The following LRRTM4 variants were observed in gnomAD, a reference collection of about 807,000 sequenced individuals.
The protein encoded by LRRTM4 is leucine-rich repeat transmembrane neuronal protein 4.
Under a neutral mutation model 47.6 loss-of-function variants are expected in LRRTM4, and 25 were observed. That is an observed-to-expected ratio of 0.53 (90% CI 0.38 to 0.73). The LOEUF is 0.73. Ranked by LOEUF, LRRTM4 falls within the 30% of genes least tolerant of loss-of-function variation. LRRTM4 has a pLI of 0.00. For synonymous variants in LRRTM4, 311 were observed against 269.5 expected (o/e 1.15, Z -1.51); for missense variants, 638 against 713.4 (o/e 0.89, Z 1.20).
intron 3 of LRRTM4, among the ~76,000 whole-genome samples, chr2:76,929,951 G>GTT (rs1233617876): frequency 1.4e-5 from 2 of 147,766 alleles, no homozygotes; most frequent in African/African-American, 5.2e-5. Flanking sequence ...GTGTGTGTGT[G>GTT]TGTGTGTGTT....
At chr2:76,780,665 T>A (rs963925873) in intron 3 of LRRTM4, among the ~76,000 whole-genome samples, 2 of 152,116 alleles carry the variant, frequency 1.3e-5, no homozygotes. Context: ...TTCTTCTAAA[T>A]TTTTTTCAAA....
chr2:77,451,108 C>G (rs1676238024), intron 3 of LRRTM4, among the ~76,000 whole-genome samples: 1 of 152,092 alleles, frequency 6.6e-6, no homozygotes, highest in African/African-American at 2.4e-5. Context: ...CAATTCCAGT[C>G]AGGCCTAATT....
intron 3 of LRRTM4, among the ~76,000 whole-genome samples, chr2:76,980,300 C>G (rs2103964456): frequency 6.6e-6 from 1 of 152,182 alleles, no homozygotes; most frequent in South Asian, 2.1e-4. Flanking sequence ...TCTCTAGTTT[C>G]TGTGAACATC....
chr2:76,791,032 T>C (rs1168047634), intron 3 of LRRTM4, among the ~76,000 whole-genome samples: 1 of 152,174 alleles, frequency 6.6e-6, no homozygotes, highest in East Asian at 1.9e-4. Flanking sequence ...GTTACAATGA[T>C]AAAGAGGTAA....
At chr2:77,487,161 G>C (rs1463725640) in intron 3 of LRRTM4, among the ~76,000 whole-genome samples, 5 of 152,220 alleles carry the variant, frequency 3.3e-5, no homozygotes, top group Admixed American at 6.5e-5. Context: ...ATGGGAGCCA[G>C]GAACAGGAGG....
At chr2:77,105,615 TA>T (rs1671075166) in intron 3 of LRRTM4, among the ~76,000 whole-genome samples, 1 of 151,996 alleles carries the variant, frequency 6.6e-6, no homozygotes. Context: ...CATACGTAAC[TA>T]ACCTGCACGT....
At chr2:76,886,627 A>G (rs1003937500) in intron 3 of LRRTM4, among the ~76,000 whole-genome samples, 5 of 152,134 alleles carry the variant, frequency 3.3e-5, no homozygotes, top group Admixed American at 3.3e-4. Flanking sequence ...ACTTAATAAG[A>G]GCATTTGTTA....
chr2:77,272,004 A>G (rs1676214142), intron 3 of LRRTM4, among the ~76,000 whole-genome samples: 1 of 151,726 alleles, frequency 6.6e-6, no homozygotes. Context: ...AAAATGTCCT[A>G]TCCCTTTCCT....
At chr2:76,750,623 T>C (rs1558631497) in intron 3 of LRRTM4, among the ~76,000 whole-genome samples, 1 of 152,204 alleles carries the variant, frequency 6.6e-6, no homozygotes, top group Non-Finnish European at 1.5e-5. Flanking sequence ...CCAGAGGTCT[T>C]ATGGCTCCCT....
chr2:77,506,121 T>C (rs1011498332), intron 3 of LRRTM4, among the ~76,000 whole-genome samples: 1 of 151,634 alleles, frequency 6.6e-6, no homozygotes, highest in African/African-American at 2.4e-5. Context: ...TCTTACATTG[T>C]AATAAAGAGT....
At chr2:76,861,607 G>A (rs1672315267) in intron 3 of LRRTM4, among the ~76,000 whole-genome samples, 1 of 151,980 alleles carries the variant, frequency 6.6e-6, no homozygotes, top group African/African-American at 2.4e-5. Context: ...CCTTAATCTT[G>A]ACATAGGCAT....
At chr2:77,062,401 A>G (rs1015179361) in intron 3 of LRRTM4, among the ~76,000 whole-genome samples, 2 of 152,212 alleles carry the variant, frequency 1.3e-5, no homozygotes, top group African/African-American at 4.8e-5. Flanking sequence ...CAGGAAAATG[A>G]TAAAACTCCA....
intron 3 of LRRTM4, among the ~76,000 whole-genome samples, chr2:77,175,292 G>T (rs1406262491): frequency 6.6e-6 from 1 of 151,978 alleles, no homozygotes; most frequent in Admixed American, 6.6e-5. Context: ...TAATGTAAAA[G>T]AGTCTTGGAA....
chr2:77,091,064 G>T (rs994140147), intron 3 of LRRTM4, among the ~76,000 whole-genome samples: 2 of 152,040 alleles, frequency 1.3e-5, no homozygotes, highest in South Asian at 4.1e-4. Context: ...CAACTCTGGT[G>T]CCAGCTGAGA....
chr2:77,498,242 T>C (rs1678437047), intron 3 of LRRTM4, among the ~76,000 whole-genome samples: 1 of 151,804 alleles, frequency 6.6e-6, no homozygotes, highest in Admixed American at 6.6e-5. Flanking sequence ...ATCTCTCCCA[T>C]ATAATAGAGG....
At chr2:76,776,818 C>T (rs1234933654) in intron 3 of LRRTM4, among the ~76,000 whole-genome samples, 1 of 145,956 alleles carries the variant, frequency 6.9e-6, no homozygotes. Context: ...GTGTTTTAGA[C>T]ATGAAGTCCT....
chr2:77,229,019 A>G (rs1243230757), intron 3 of LRRTM4, among the ~76,000 whole-genome samples: 1 of 152,048 alleles, frequency 6.6e-6, no homozygotes. Flanking sequence ...TTTACAAATC[A>G]TGCGATTGCT....
chr2:77,189,189 T>C (rs1673595868), intron 3 of LRRTM4, among the ~76,000 whole-genome samples: 1 of 152,192 alleles, frequency 6.6e-6, no homozygotes, highest in Admixed American at 6.5e-5. Context: ...GCTCTCTAGA[T>C]ATATTTAAAT....
intron 3 of LRRTM4, among the ~76,000 whole-genome samples, chr2:77,013,506 T>TAAA (rs5832271): frequency 6.8e-6 from 1 of 146,448 alleles, no homozygotes; most frequent in African/African-American, 2.5e-5. Context: ...GAAACACTGT[T>TAAA]AAAAAAAAAA....
Sources: gnomAD v4.1 joint callset for allele counts (sites outside exome capture counted in the v4.1 genomes callset) on GRCh38, gnomAD v4.1.1 for gene constraint, MANE v1.5 for transcripts, NCBI Gene and HGNC (gene_info 2026-07-23, HGNC 2026-07-21) for gene names.